Variants in ARL15 observed in about 807,000 individuals in gnomAD.
The protein encoded by ARL15 is ADP-ribosylation factor-like protein 15.
A neutral mutation model predicts 25.2 loss-of-function variants in ARL15; 19 were observed. The observed-to-expected ratio is 0.75, with a 90% CI of 0.53 to 1.10. The LOEUF is 1.10. Ranked by LOEUF, ARL15 falls within the 50% of genes least tolerant of loss-of-function variation. The pLI, the probability that ARL15 is intolerant of heterozygous loss-of-function variation, is 0.00. For missense variants in ARL15, 220 were observed against 246.0 expected (o/e 0.89, Z 0.71); for synonymous variants, 94 against 86.8 (o/e 1.08, Z -0.46).
At chr5:54,268,177 T>C (rs1304062763) in intron 1 of ARL15, among the ~76,000 whole-genome samples, 1 of 152,200 alleles carries the variant, frequency 6.6e-6, no homozygotes, top group Non-Finnish European at 1.5e-5. Flanking sequence ...CTTTTTATTC[T>C]TTTTTCTCTA....
At chr5:54,017,177 C>A (rs1749451715) in intron 4 of ARL15, among the ~76,000 whole-genome samples, 1 of 152,130 alleles carries the variant, frequency 6.6e-6, no homozygotes, top group East Asian at 1.9e-4. Flanking sequence ...GTATATTTGA[C>A]CTTAGAATCC....
chr5:54,182,381 C>T (rs1218754290), intron 1 of ARL15, among the ~76,000 whole-genome samples: 1 of 141,220 alleles, frequency 7.1e-6, no homozygotes, highest in Non-Finnish European at 1.5e-5. Flanking sequence ...AGCCAGTTTT[C>T]CCAGCACCAT....
chr5:54,018,868 A>G (rs1749503876), intron 4 of ARL15, among the ~76,000 whole-genome samples: 1 of 152,202 alleles, frequency 6.6e-6, no homozygotes, highest in Non-Finnish European at 1.5e-5. Context: ...AACAAAACAG[A>G]ACTAAACACC....
intron 4 of ARL15, 55 bp from the exon 5 acceptor site, chr5:53,886,768 C>G: frequency 6.8e-7 from 1 of 1,460,162 alleles, no homozygotes; most frequent in Non-Finnish European, 9.1e-7. Context: ...GAAACTTTCT[C>G]ATATCAAAAT....
intron 4 of ARL15, among the ~76,000 whole-genome samples, chr5:54,014,279 C>T (rs1230206890): frequency 2.6e-5 from 4 of 152,142 alleles, no homozygotes; most frequent in Non-Finnish European, 4.4e-5. Context: ...TCCCACTCTA[C>T]CTAAAGATCC....
intron 4 of ARL15, among the ~76,000 whole-genome samples, chr5:53,909,379 C>G (rs1745378753): frequency 6.6e-6 from 1 of 152,102 alleles, no homozygotes; most frequent in South Asian, 2.1e-4. Context: ...TAATAAGTGA[C>G]TATAGTTTTT....
intron 4 of ARL15, among the ~76,000 whole-genome samples, chr5:54,061,401 G>A (rs1751056470): frequency 6.6e-6 from 1 of 152,266 alleles, no homozygotes; most frequent in East Asian, 1.9e-4. Flanking sequence ...CCTGAGGTCA[G>A]GAGTTCGAGA....
chr5:54,062,786 C>G (rs1751108756), intron 4 of ARL15, among the ~76,000 whole-genome samples: 1 of 152,040 alleles, frequency 6.6e-6, no homozygotes, highest in South Asian at 2.1e-4. Context: ...GAGAGGTTAA[C>G]AGAAAACATG....
At chr5:54,248,299 T>A (rs1299908340) in intron 1 of ARL15, among the ~76,000 whole-genome samples, 1 of 152,064 alleles carries the variant, frequency 6.6e-6, no homozygotes, top group Non-Finnish European at 1.5e-5. Context: ...AACAAGACCA[T>A]CTCTCTTCAC....
intron 1 of ARL15, among the ~76,000 whole-genome samples, chr5:54,184,119 G>C (rs1374447646): frequency 2.7e-5 from 2 of 73,956 alleles, no homozygotes; most frequent in East Asian, 6.3e-4. Flanking sequence ...GGAGGGGGGA[G>C]GGATAGCATT....
At chr5:54,035,648 G>T (rs867471196) in intron 4 of ARL15, among the ~76,000 whole-genome samples, 3 of 152,036 alleles carry the variant, frequency 2.0e-5, no homozygotes, top group African/African-American at 7.2e-5. Flanking sequence ...AAATCTTTAA[G>T]AAATATCTTA....
chr5:54,248,143 C>T (rs947610230), intron 1 of ARL15, among the ~76,000 whole-genome samples: 2 of 152,146 alleles, frequency 1.3e-5, no homozygotes, highest in Non-Finnish European at 2.9e-5. Context: ...GTATCTCCCC[C>T]CAAATGTATA....
chr5:54,231,607 A>G (rs950880899), intron 1 of ARL15, among the ~76,000 whole-genome samples: 1 of 152,044 alleles, frequency 6.6e-6, no homozygotes, highest in African/African-American at 2.4e-5. Flanking sequence ...AAATACCAAG[A>G]CCCTGGGTGG....
intron 1 of ARL15, among the ~76,000 whole-genome samples, chr5:54,273,454 T>C (rs1454864423): frequency 6.6e-6 from 1 of 152,106 alleles, no homozygotes; most frequent in Admixed American, 6.5e-5. Flanking sequence ...TTCTGCAAAA[T>C]AACTGGCCTG....
intron 4 of ARL15, among the ~76,000 whole-genome samples, chr5:53,916,477 A>T (rs143629056): frequency 6.6e-6 from 1 of 152,184 alleles, no homozygotes; most frequent in East Asian, 1.9e-4. Flanking sequence ...CAGGGAAAAC[A>T]ACCTGCACAT....
chr5:53,992,279 C>A lies in ARL15; in HGVS notation c.463-105566G>T, dbSNP rs909227278. On this transcript the variant is annotated intron_variant, in intron 4 of 4. Coordinates refer to ENST00000504924, the MANE Select transcript of ARL15 (RefSeq NM_019087.3). The stretch of plus-strand genomic sequence containing the variant: ...GTTGACTGTGGTACCCTTGGGTGCC[C>A]TGGTATACAGTTTGGGAACTACAAG... 2.5e-4 allele frequency among the ~76,000 whole-genome samples: 38 copies of A among 151,654 alleles called. 1 individual carries two copies. Among genetic ancestry groups the A allele is most frequent in the African/African-American group, 8.7e-4 (36 of 41,224 alleles).
At chr5:53,987,499 A>G (rs11744289) in intron 4 of ARL15, among the ~76,000 whole-genome samples, 6,433 of 150,602 alleles carry the variant, frequency 0.043, 209 homozygotes, top group Non-Finnish European at 0.063. Flanking sequence ...TTGAGAACCA[A>G]CTCACACATT....
At position 54,255,108 on chromosome 5, in the gene ARL15, C is replaced by G. The variant is rs192228658; in HGVS notation, c.48+55324G>C. On this transcript the variant is annotated intron_variant, in intron 1 of 4. Transcript: ENST00000504924. ...AACCTTGTTTTTTCACTGCTCCAAT[C>G]CTTCAATTCCAGGAACTTATGTTCC... Among the ~76,000 whole-genome samples the G allele has an allele frequency of 6.6e-5, 10 of 152,278 alleles. No homozygotes were observed. In the East Asian group the frequency reaches 1.9e-3, roughly 29 times the overall value.
intron 4 of ARL15, among the ~76,000 whole-genome samples, chr5:53,999,966 G>T (rs1205766512): frequency 6.6e-6 from 1 of 151,906 alleles, no homozygotes; most frequent in African/African-American, 2.4e-5. Flanking sequence ...AGAAGGGTGG[G>T]GTATAGTAGA....
Sources: gnomAD v4.1 joint callset for allele counts (sites outside exome capture counted in the v4.1 genomes callset) on GRCh38, gnomAD v4.1.1 for gene constraint, MANE v1.5 for transcripts, NCBI Gene and HGNC (gene_info 2026-07-23, HGNC 2026-07-21) for gene names.